Variants in CHST9 observed in about 807,000 individuals in gnomAD.
CHST9 encodes the protein GalNAc-4-sulfotransferase 2.
Under a neutral mutation model 44.4 loss-of-function variants are expected in CHST9, and 41 were observed. The observed-to-expected ratio is 0.92, with a 90% confidence interval of 0.72 to 1.20. The LOEUF (loss-of-function observed/expected upper bound fraction) is 1.20. Ranked by LOEUF, CHST9 falls within the 50% of genes most tolerant of loss-of-function variation. The pLI, the probability that CHST9 is intolerant of heterozygous loss-of-function variation, is 0.00. For missense variants in CHST9, 504 were observed against 516.5 expected (o/e 0.98, Z 0.23); for synonymous variants, 171 against 178.4 (o/e 0.96, Z 0.33).
intron 1 of CHST9, among the ~76,000 whole-genome samples, chr18:27,177,024 A>G (rs923319114): frequency 6.6e-6 from 1 of 152,012 alleles, no homozygotes; most frequent in Non-Finnish European, 1.5e-5. Context: ...ACAAATAACC[A>G]GTAAGACTAT....
rs2055532775 is a variant in CHST9, at chr18:26,916,721, A to C, written c.870T>G (p.Phe290Leu). Residue 290 changes from phenylalanine (F) to leucine (L), a missense_variant, in exon 6 of 6, where the codon TTT becomes TTG. Transcript: ENST00000618847. The stretch of plus-strand genomic sequence containing the variant: ...TATTGGGGTGTTCAAATTTGTCCCT[A>C]AAGGCTGATACTAATCTTTCCATGG... ...RDPMERLVSA[F>L]RDKFEHPNSY... The C allele has an allele frequency of 6.2e-7, 1 of 1,613,906 alleles. No individual in the cohort carries two copies. The highest frequency in any genetic ancestry group is 8.5e-7 in the Non-Finnish European group (1 of 1,179,836).
intron 1 of CHST9, among the ~76,000 whole-genome samples, chr18:27,173,523 CAT>C (rs1415790175): frequency 6.6e-6 from 1 of 151,944 alleles, no homozygotes; most frequent in Non-Finnish European, 1.5e-5. Context: ...GAAAAGTTCT[CAT>C]ATATAACTGG....
At position 27,156,160 on chromosome 18, in the gene CHST9, CAA is replaced by C. The variant is rs11299491; in HGVS notation, c.-96-13257_-96-13256del. On this transcript the variant is annotated intron_variant, in intron 1 of 5. Coordinates refer to ENST00000618847, the MANE Select transcript of CHST9 (RefSeq NM_031422.6). Reference sequence around the variant, plus strand: ...ATGAGGGTTAACTATGAAATATGGCCAAAAAAAAAAACAGTGAAAAAAGATGA... The same window carrying C: ...ATGAGGGTTAACTATGAAATATGGCCAAAAAAAAACAGTGAAAAAAGATGA... Among the ~76,000 whole-genome samples, 5 of 138,728 alleles carry C rather than the reference CAA, an allele frequency of 3.6e-5. No homozygotes were observed. The East Asian group carries it at 6.1e-4, about 17-fold the overall frequency. The allele number at this position is 138,728 out of a possible 152,430, so 91.0% of individuals were successfully genotyped here.
intron 4 of CHST9, among the ~76,000 whole-genome samples, chr18:26,973,691 C>CA (rs1488258963): frequency 6.6e-6 from 1 of 152,218 alleles, no homozygotes; most frequent in African/African-American, 2.4e-5. Context: ...AAAGACTGGA[C>CA]ACCCCTTTAA....
chr18:27,000,649 T>TATCTATCTATCTATCTA (rs1555675568), intron 4 of CHST9, among the ~76,000 whole-genome samples: 1 of 151,476 alleles, frequency 6.6e-6, no homozygotes, highest in Non-Finnish European at 1.5e-5. Context: ...TCTATCTATC[T>TATCTATCTATCTATCTA]ATCTATCTCT....
At chr18:26,962,849 GT>G (rs2056418073) in intron 4 of CHST9, among the ~76,000 whole-genome samples, 1 of 152,196 alleles carries the variant, frequency 6.6e-6, no homozygotes, top group Non-Finnish European at 1.5e-5. Flanking sequence ...CTGGCAGGTG[GT>G]AGGTGATAGA....
chr18:26,916,868 T>G lies in CHST9; in HGVS notation c.723A>C (p.Ala241=). The G allele has an allele frequency of 6.2e-7, 1 of 1,613,946 alleles. No homozygotes were observed. The highest frequency in any genetic ancestry group is 1.1e-5 in the South Asian group (1 of 91,080). Residue 241 remains alanine (A), a synonymous_variant, in exon 6 of 6, where the codon GCA becomes GCC. Coordinates refer to ENST00000618847, the MANE Select transcript of CHST9 (RefSeq NM_031422.6). ...GGACAGCATTGTGGGAGATGTTGTATGCAGAGGAAGCCAATCCATTTAGTA... is the reference window on the plus strand; with the variant it reads ...GGACAGCATTGTGGGAGATGTTGTAGGCAGAGGAAGCCAATCCATTTAGTA... ...LMVLNGLASS[A]YNISHNAVHY...
At chr18:26,930,332 T>C (rs552456081) in intron 5 of CHST9, among the ~76,000 whole-genome samples, 45 of 152,220 alleles carry the variant, frequency 3.0e-4, no homozygotes, top group African/African-American at 1.1e-3. Flanking sequence ...AAAGGAAGAA[T>C]ATAGAATTAC....
intron 5 of CHST9, among the ~76,000 whole-genome samples, chr18:26,941,507 T>C (rs1378044785): frequency 2.0e-5 from 3 of 152,160 alleles, no homozygotes; most frequent in Non-Finnish European, 2.9e-5. Context: ...TTTTTGGTAA[T>C]ATTTTAAAGT....
rs1316319038 is a variant in CHST9 at position 26,916,488 on chromosome 18, C to G, written c.1103G>C (p.Gly368Ala). Reference protein sequence around the residue: ...YPCLINYDFVGKFETLEEDAN... With the variant: ...YPCLINYDFVAKFETLEEDAN... ...ATCTTCTTCCAAAGTCTCAAATTTCCCTACAAAATCATAGTTGATCAAACA... is the reference window on the plus strand; with the variant it reads ...ATCTTCTTCCAAAGTCTCAAATTTCGCTACAAAATCATAGTTGATCAAACA... The change falls in exon 6 of 6, where the codon GGG (glycine) becomes GCG (alanine). Residue 368 changes from glycine (G) to alanine (A), a missense_variant. Gly to Ala is a moderately conservative substitution (Grantham distance 60). Transcript: ENST00000618847. 1 of 1,613,762 alleles carries G rather than the reference C, an allele frequency of 6.2e-7. No homozygotes were observed.
intron 3 of CHST9, among the ~76,000 whole-genome samples, chr18:27,029,354 TA>T (rs2057316695): frequency 1.3e-5 from 2 of 152,264 alleles, no homozygotes; most frequent in South Asian, 4.1e-4. Context: ...TTTCTAACTC[TA>T]AAATTGAGGA....
intron 2 of CHST9, among the ~76,000 whole-genome samples, chr18:27,114,421 T>A (rs1036413681): frequency 6.6e-6 from 1 of 152,158 alleles, no homozygotes; most frequent in Non-Finnish European, 1.5e-5. Context: ...TTTAATCAAG[T>A]TTTTTCAGAG....
At chr18:27,162,098 G>T (rs2058752065) in intron 1 of CHST9, among the ~76,000 whole-genome samples, 1 of 152,116 alleles carries the variant, frequency 6.6e-6, no homozygotes, top group African/African-American at 2.4e-5. Context: ...GGAGCATTTA[G>T]CCCATTTACA....
At chr18:26,959,382 G>T (rs2056371103) in intron 4 of CHST9, among the ~76,000 whole-genome samples, 3 of 152,272 alleles carry the variant, frequency 2.0e-5, no homozygotes, top group Middle Eastern at 3.4e-3. Context: ...TCAGTATCTG[G>T]GTGATGGGAT....
intron 4 of CHST9, among the ~76,000 whole-genome samples, chr18:26,958,704 G>T (rs1312031479): frequency 6.6e-6 from 1 of 152,082 alleles, no homozygotes; most frequent in East Asian, 1.9e-4. Context: ...GAAGCTGTCA[G>T]CAAACACAAG....
chr18:26,992,219 A>T (rs1383040413), intron 4 of CHST9, among the ~76,000 whole-genome samples: 4 of 126,526 alleles, frequency 3.2e-5, no homozygotes, highest in African/African-American at 1.1e-4. Flanking sequence ...TCAGCCCCTC[A>T]CTCTGAATTA....
intron 4 of CHST9, among the ~76,000 whole-genome samples, chr18:26,955,157 T>C (rs2056304246): frequency 6.6e-6 from 1 of 152,126 alleles, no homozygotes; most frequent in Non-Finnish European, 1.5e-5. Flanking sequence ...GCCCTTTTCA[T>C]ATTCGTTCCC....
chr18:27,127,149 C>T (rs2058431319), intron 2 of CHST9, among the ~76,000 whole-genome samples: 1 of 152,072 alleles, frequency 6.6e-6, no homozygotes, highest in African/African-American at 2.4e-5. Flanking sequence ...GAACAAATGG[C>T]ACTACAGAGA....
At chr18:27,089,881 G>C (rs1354388193) in intron 2 of CHST9, among the ~76,000 whole-genome samples, 1 of 150,354 alleles carries the variant, frequency 6.7e-6, no homozygotes, top group Non-Finnish European at 1.5e-5. Context: ...CGCGATCTGG[G>C]CTCAGTGCAA....
Sources: gnomAD v4.1 joint callset for allele counts (sites outside exome capture counted in the v4.1 genomes callset) on GRCh38, gnomAD v4.1.1 for gene constraint, MANE v1.5 for transcripts, NCBI Gene and HGNC (gene_info 2026-07-23, HGNC 2026-07-21) for gene names.